SEPTIN12: variants seen among roughly 807,000 people sequenced by gnomAD.
The protein encoded by SEPTIN12 is septin-12.
Under a neutral mutation model 37.7 loss-of-function variants are expected in SEPTIN12, and 42 were observed. The ratio of observed to expected loss-of-function variants is 1.11; its 90% CI spans 0.87 to 1.44. The LOEUF is 1.44. Among genes scored for constraint, SEPTIN12 ranks in the 40% most tolerant of loss-of-function variants. SEPTIN12 has a pLI of 0.00. For missense variants in SEPTIN12, 613 were observed against 479.2 expected, an observed-to-expected ratio of 1.28 and a Z score of -2.61; for synonymous variants, 254 against 196.7, an observed-to-expected ratio of 1.29 and a Z score of -2.44.
In SEPTIN12 at chr16:4,783,762, G is replaced by A. The variant is rs763481191; in HGVS notation, c.517C>T (p.Arg173Trp). ...TGCAGGAACTCAATGTCCAGGGGCC[G>A]CAGGCTGCCGGAGGCAGGGCAGTGA... Reference protein sequence around the residue: ...YFVPPTGHCLRPLDIEFLQRL... With the variant: ...YFVPPTGHCLWPLDIEFLQRL... Residue 173 changes from arginine (R) to tryptophan (W), a missense_variant, in exon 6 of 10, where the codon CGG becomes TGG. Transcript: ENST00000268231. 79 of 1,613,304 alleles carry A rather than the reference G, an allele frequency of 4.9e-5. No homozygotes were observed. Among genetic ancestry groups the A allele is most frequent in the African/African-American group, 2.0e-4 (15 of 74,930 alleles).
rs751692065 is a variant in SEPTIN12 at position 4,785,818 on chromosome 16, G to A, written c.363C>T (p.Asn121=). 6.3e-7 allele frequency: 1 copy of A among 1,597,076 alleles called. No individual in the cohort carries two copies. Among genetic ancestry groups the A allele is most frequent in the South Asian group, 1.1e-5 (1 of 90,748 alleles). Residue 121 remains asparagine (N), a synonymous_variant, in exon 4 of 10, where the codon AAC becomes AAT. Coordinates refer to ENST00000268231, the MANE Select transcript of SEPTIN12 (RefSeq NM_144605.5). Reference sequence around the variant, plus strand: ...GAGAGAGAACCTACCAGTTGTCATTGTTGATCTGGTCCCCGAAGCCGGGCG... The same window carrying A: ...GAGAGAGAACCTACCAGTTGTCATTATTGATCTGGTCCCCGAAGCCGGGCG... ...TDTPGFGDQI[N]NDNCWDPILG...
chr16:4,779,638 C>G (rs2082350852), intron 8 of SEPTIN12, 52 bp downstream of exon 8: 1 of 1,156,986 alleles, frequency 8.6e-7, no homozygotes, highest in Non-Finnish European at 1.3e-6. Flanking sequence ...CAAGGCTGCT[C>G]TGGTTTCCAA....
At chr16:4,783,373 C>T in intron 7 of SEPTIN12, 89 bp downstream of exon 7, 1 of 1,004,110 alleles carries the variant, frequency 1.0e-6, no homozygotes, top group Non-Finnish European at 1.6e-6. Context: ...GCACATTTCC[C>T]TGAGATGTAG....
upstream of SEPTIN12, among the ~76,000 whole-genome samples, chr16:4,791,164 C>G (rs951218127): frequency 6.6e-6 from 1 of 152,220 alleles, no homozygotes; most frequent in African/African-American, 2.4e-5. Context: ...TTCTGAAAAT[C>G]GTGGCGGTGA....
upstream of SEPTIN12, among the ~76,000 whole-genome samples, chr16:4,790,249 C>T (rs767106909): frequency 1.3e-5 from 2 of 152,130 alleles, no homozygotes; most frequent in Non-Finnish European, 2.9e-5. Context: ...CTTTGCTGGT[C>T]CTAAGTTCTC....
At chr16:4,787,438 C>T in intron 2 of SEPTIN12, 42 bp downstream of exon 2, 1 of 1,592,918 alleles carries the variant, frequency 6.3e-7, no homozygotes, top group Non-Finnish European at 8.6e-7. Context: ...GCACGCGTAG[C>T]ACTGTGGGTC....
intron 4 of SEPTIN12, among the ~76,000 whole-genome samples, chr16:4,784,788 A>C (rs1370150569): frequency 4.7e-5 from 7 of 149,548 alleles, no homozygotes; most frequent in African/African-American, 1.5e-4. Context: ...TAAATAAATA[A>C]ATAAATAAAT....
chr16:4,786,885 G>C (rs1200058198), intron 2 of SEPTIN12, among the ~76,000 whole-genome samples: 1 of 151,332 alleles, frequency 6.6e-6, no homozygotes, highest in African/African-American at 2.4e-5. Context: ...TGGCCTCCAG[G>C]GATCCTTCTG....
upstream of SEPTIN12, among the ~76,000 whole-genome samples, chr16:4,789,617 C>A (rs1567579815): frequency 6.6e-6 from 1 of 152,106 alleles, no homozygotes; most frequent in African/African-American, 2.4e-5. Flanking sequence ...TTAGCCCCTG[C>A]GCCCAGCCCT....
Position 4,786,076 on chromosome 16 carries a change from C to A in SEPTIN12, c.196G>T (p.Val66Leu). The A allele has an allele frequency of 3.1e-6, 5 of 1,612,900 alleles. No individual in the cohort carries two copies. Among genetic ancestry groups the A allele is most frequent in the Non-Finnish European group, 3.4e-6 (4 of 1,179,192 alleles). The stretch of plus-strand genomic sequence containing the variant: ...ACTTTGGACTTGAACAGCGTGTTCA[C>A]CATCGTGGACTTGCCCAGCCCGCTT... ...GQSGLGKSTM[V>L]NTLFKSKVWK... The change falls in exon 3 of 10, where the codon GTG becomes TTG. Residue 66 changes from valine (V) to leucine (L), a missense_variant. Physicochemically the swap from Val to Leu is conservative, Grantham distance 32 (BLOSUM62 1). Transcript: ENST00000268231.
In SEPTIN12 at chr16:4,777,907, G is replaced by A. The variant is rs764712886; in HGVS notation, c.967C>T (p.Arg323Cys). ...GCCAGGTTCACCCAGCCGGGCCCGC[G>A]GGGCAGCAGGTGGCTTTCATTGAGT... ...IRLNESHLLP[R>C]GPGWVNLAPA... Residue 323 changes from arginine to cysteine, a missense_variant, in exon 10 of 10, where the codon CGC becomes TGC. Physicochemically the swap from Arg to Cys is radical, Grantham distance 180. Coordinates refer to ENST00000268231, the MANE Select transcript of SEPTIN12 (RefSeq NM_144605.5). The A allele has an allele frequency of 1.6e-5, 26 of 1,602,286 alleles. No homozygotes were observed. Among genetic ancestry groups the A allele is most frequent in the East Asian group, 2.3e-5 (1 of 44,444 alleles).
intron 7 of SEPTIN12, among the ~76,000 whole-genome samples, chr16:4,782,900 C>T (rs771808484): frequency 5.3e-5 from 8 of 150,788 alleles, no homozygotes; most frequent in Non-Finnish European, 7.4e-5. Flanking sequence ...CCACTGCGCC[C>T]GGCCAACACA....
intron 7 of SEPTIN12, among the ~76,000 whole-genome samples, chr16:4,780,107 A>C (rs8062211): frequency 0.012 from 1,855 of 152,090 alleles, 39 homozygotes; most frequent in African/African-American, 0.043. Context: ...TGAGCTTATA[A>C]TCCCATTATA....
In SEPTIN12 at chr16:4,777,811, C is replaced by G. The variant is rs2082327374; in HGVS notation, c.1063G>C (p.Asp355His). Residue 355 changes from aspartate (D) to histidine (H), a missense_variant, in exon 10 of 10, where the codon GAT becomes CAT. Coordinates refer to ENST00000268231, the MANE Select transcript of SEPTIN12 (RefSeq NM_144605.5). ...KVCRGAHDDS[D>H]DEF ...TCCGCCGGTGGTCAGAACTCATCAT[C>G]AGAATCGTCATGGGCCCCCCTGCAG... 2.6e-6 allele frequency: 4 copies of G among 1,563,632 alleles called. No individual in the cohort carries two copies. Among genetic ancestry groups the G allele is most frequent in the East Asian group, 2.3e-5 (1 of 43,548 alleles).
rs149540432 is a variant in SEPTIN12 at position 4,784,459 on chromosome 16, C to G, written c.375-391G>C. On this transcript the variant is annotated intron_variant, in intron 4 of 9. Coordinates refer to ENST00000268231, the MANE Select transcript of SEPTIN12 (RefSeq NM_144605.5). The stretch of plus-strand genomic sequence containing the variant: ...GGGTATTGTCAACACTGTAAGTAGC[C>G]AAACAGATCCTTTTAAAAACAGGTG... 2.6e-3 allele frequency among the ~76,000 whole-genome samples: 391 copies of G among 152,202 alleles called. 1 individual carries two copies. Among genetic ancestry groups the G allele is most frequent in the African/African-American group, 9.1e-3 (377 of 41,514 alleles).
intron 2 of SEPTIN12, 89 bp downstream of exon 2, chr16:4,787,391 G>A: frequency 8.5e-7 from 1 of 1,176,674 alleles, no homozygotes; most frequent in Non-Finnish European, 1.3e-6. Flanking sequence ...AGATGGGGAG[G>A]GGCGACAGGC....
intron 7 of SEPTIN12, 180 bp downstream of exon 7, chr16:4,783,282 T>C (rs1028718707): frequency 3.6e-5 from 22 of 618,458 alleles, no homozygotes; most frequent in Non-Finnish European, 6.4e-5. Context: ...TCCGATTCTG[T>C]GGGTTGTTAG....
chr16:4,789,649 C>G (rs149654059), upstream of SEPTIN12, among the ~76,000 whole-genome samples: 3,101 of 152,094 alleles, frequency 0.02, 94 homozygotes, highest in African/African-American at 0.063. Context: ...TTTTGAGACA[C>G]GGTCTCACTA....
chr16:4,781,943 CTTTT>C (rs571415645), intron 7 of SEPTIN12, among the ~76,000 whole-genome samples: 30 of 47,442 alleles, frequency 6.3e-4, no homozygotes, highest in African/African-American at 1.5e-3. Flanking sequence ...CGTGCCCGGC[CTTTT>C]TTTTTTTTTT....
Sources: gnomAD v4.1 joint callset for allele counts (sites outside exome capture counted in the v4.1 genomes callset) on GRCh38, gnomAD v4.1.1 for gene constraint, MANE v1.5 for transcripts, NCBI Gene and HGNC (gene_info 2026-07-23, HGNC 2026-07-21) for gene names.